LAMA3: variants seen among roughly 807,000 people sequenced by gnomAD.
LAMA3 encodes laminin subunit alpha-3.
Under a neutral mutation model 402.0 loss-of-function variants are expected in LAMA3, and 281 were observed. That is an observed-to-expected ratio of 0.70 (90% confidence interval 0.63 to 0.77). The LOEUF (loss-of-function observed/expected upper bound fraction) is 0.77, where lower values mean the gene tolerates loss of function less well. Among genes scored for constraint, LAMA3 ranks in the 30% least tolerant of loss-of-function variants. The pLI is 0.00. For synonymous variants in LAMA3, 1,431 were observed against 1,558.4 expected, an observed-to-expected ratio of 0.92 and a Z score of 1.93; for missense variants, 3,840 against 4,215.5, an observed-to-expected ratio of 0.91 and a Z score of 2.47.
chr18:23,738,439 C>T (rs915462672), intron 2 of LAMA3, among the ~76,000 whole-genome samples: 6 of 152,112 alleles, frequency 3.9e-5, no homozygotes, highest in African/African-American at 1.2e-4. Context: ...GTAAAGGAAG[C>T]GGTTCCTTTT....
Position 23,914,454 on chromosome 18 carries a change from C to T in LAMA3, c.7374C>T (p.Leu2458=). The change falls in exon 57 of 75, where the codon CTC becomes CTT. Residue 2458 remains leucine (L), a synonymous_variant. Coordinates refer to ENST00000313654, the MANE Select transcript of LAMA3 (RefSeq NM_198129.4). ...YIGMAVVDGQ[L]TCVYNLGDRE... ...GCATGGCAGTTGTGGATGGCCAGCT[C>T]ACCTGTGTCTACAACCTGGGGGACC... 6.2e-7 allele frequency: 1 copy of T among 1,614,102 alleles called. No individual in the cohort carries two copies. Among genetic ancestry groups the T allele is most frequent in the Non-Finnish European group, 8.5e-7 (1 of 1,180,010 alleles).
At chr18:23,738,268 T>C (rs186301378) in intron 2 of LAMA3, among the ~76,000 whole-genome samples, 1 of 151,750 alleles carries the variant, frequency 6.6e-6, no homozygotes, top group East Asian at 2.0e-4. Flanking sequence ...GAGAGACACT[T>C]GCAAGCTGAT....
At chr18:23,894,372 C>T (rs1238816257) in intron 43 of LAMA3, 24 bp downstream of exon 43, 2 of 1,599,504 alleles carry the variant, frequency 1.3e-6, no homozygotes, top group African/African-American at 1.3e-5. Flanking sequence ...GCCCCTCCTC[C>T]TCCTTTCCAA....
chr18:23,867,263 A>C (rs2064381374), intron 36 of LAMA3, among the ~76,000 whole-genome samples: 1 of 152,114 alleles, frequency 6.6e-6, no homozygotes, highest in African/African-American at 2.4e-5. Context: ...TAGTTTAAAA[A>C]ATTTTTTTTT....
At chr18:23,744,831 CA>C (rs755527455) in intron 2 of LAMA3, among the ~76,000 whole-genome samples, 3,314 of 31,032 alleles carry the variant, frequency 0.11, 39 homozygotes, top group Admixed American at 0.22. Context: ...GACTCTGTCT[CA>C]AAAAAAAAAA....
intron 2 of LAMA3, among the ~76,000 whole-genome samples, chr18:23,745,612 G>T (rs1224079066): frequency 6.6e-6 from 1 of 152,154 alleles, no homozygotes; most frequent in Non-Finnish European, 1.5e-5. Flanking sequence ...TGCAAGGTGT[G>T]GGTTTGTTAC....
chr18:23,735,747 C>A (rs2061463931), intron 2 of LAMA3, among the ~76,000 whole-genome samples: 1 of 152,046 alleles, frequency 6.6e-6, no homozygotes, highest in Admixed American at 6.6e-5. Flanking sequence ...ATGCTCCTGG[C>A]CTTTCTCTGC....
rs148121041 is a variant in LAMA3 at position 23,881,477 on chromosome 18, T to A, written c.5113-459T>A. ...GTGCTAAGGGGAAGAAAGAAAAGAATTTACGTTTCCCAAGAGCTTAGTACA... is the reference window on the plus strand; with the variant it reads ...GTGCTAAGGGGAAGAAAGAAAAGAAATTACGTTTCCCAAGAGCTTAGTACA... On this transcript the variant is annotated intron_variant, in intron 39 of 74. Transcript: ENST00000313654. Among the ~76,000 whole-genome samples, 89 of 152,344 alleles carry A rather than the reference T, an allele frequency of 5.8e-4. 3 individuals carry two copies. The East Asian group carries it at 6.2e-3, about 11-fold the overall frequency.
chr18:23,904,602 G>T lies in LAMA3; in HGVS notation c.6523G>T (p.Ala2175Ser), dbSNP rs1290225144. Residue 2175 changes from alanine (A) to serine (S), a missense_variant, in exon 51 of 75, where the codon GCC becomes TCC. By Grantham distance (99) the Ala-to-Ser change is moderately conservative. Around this residue, in one of 3 missense-constraint regions of LAMA3, gnomAD observed 891 missense variants for 857.5 expected, o/e 1.04. Coordinates refer to ENST00000313654, the MANE Select transcript of LAMA3 (RefSeq NM_198129.4). ...GDELVRCAVD[A>S]ATAYENILNA... ...TGAGCTGGTGCGCTGTGCTGTGGATGCCGCCACCGCCTACGAGAACATCCT... is the reference window on the plus strand; with the variant it reads ...TGAGCTGGTGCGCTGTGCTGTGGATTCCGCCACCGCCTACGAGAACATCCT... 1 of 1,611,900 alleles carries T rather than the reference G, an allele frequency of 6.2e-7. No homozygotes were observed. Among genetic ancestry groups the T allele is most frequent in the Non-Finnish European group, 8.5e-7 (1 of 1,179,242 alleles).
At chr18:23,834,455 A>T (rs1200251858) in intron 24 of LAMA3, 2 of 170,482 alleles carry the variant, frequency 1.2e-5, no homozygotes. Context: ...AAGTGGAAAA[A>T]AAAATTAACA....
intron 18 of LAMA3, 41 bp from the exon 19 acceptor site, chr18:23,819,800 G>C: frequency 6.4e-7 from 1 of 1,574,778 alleles, no homozygotes; most frequent in Non-Finnish European, 8.7e-7. Flanking sequence ...ATGATCTATG[G>C]ACCTAACCTC....
Position 23,899,059 on chromosome 18 carries a change from G to C in LAMA3, c.5830G>C (p.Val1944Leu). The C allele has an allele frequency of 6.2e-7, 1 of 1,611,554 alleles. No individual in the cohort carries two copies. The highest frequency in any genetic ancestry group is 2.2e-5 in the East Asian group (1 of 44,844). The change falls in exon 46 of 75, where the codon GTG (valine) becomes CTG (leucine). Residue 1944 changes from valine (V) to leucine (L), a missense_variant. Physicochemically the swap from Val to Leu is conservative, Grantham distance 32. Transcript: ENST00000313654. ...GAAGATTAAAAATGTCATCCGGAAT[G>C]TGCACAGTAAGAAGAGTTATTAAGC... ...DVKIKNVIRNVHILLKQISGT... is the reference protein window; with the variant it reads ...DVKIKNVIRNLHILLKQISGT...
At chr18:23,787,174 T>G (rs557138160) in intron 12 of LAMA3, among the ~76,000 whole-genome samples, 1 of 151,958 alleles carries the variant, frequency 6.6e-6, no homozygotes, top group African/African-American at 2.4e-5. Context: ...CCCAGCTACT[T>G]GGGAGGCTGA....
chr18:23,814,052 G>A (rs2063129532), intron 14 of LAMA3, among the ~76,000 whole-genome samples: 2 of 152,262 alleles, frequency 1.3e-5, no homozygotes, highest in African/African-American at 4.8e-5. Flanking sequence ...TTTTCAACAT[G>A]TTAAATATTC....
At chr18:23,791,046 G>A (rs908686276) in intron 12 of LAMA3, among the ~76,000 whole-genome samples, 12 of 152,128 alleles carry the variant, frequency 7.9e-5, no homozygotes, top group South Asian at 2.1e-4. Flanking sequence ...CCGCCACTGC[G>A]CCCGGCTAAT....
intron 38 of LAMA3, chr18:23,873,161 G>T (rs2064586254): frequency 6.2e-7 from 1 of 1,614,232 alleles, no homozygotes; most frequent in Admixed American, 1.7e-5. Context: ...CATTTCTTCA[G>T]CCTCCCGGTC....
intron 2 of LAMA3, among the ~76,000 whole-genome samples, chr18:23,730,597 C>A (rs940705691): frequency 2.0e-5 from 3 of 152,042 alleles, no homozygotes; most frequent in Non-Finnish European, 2.9e-5. Flanking sequence ...GAACTCCTAA[C>A]CTCAGGTGAT....
At chr18:23,931,541 A>C (rs967168409) in intron 65 of LAMA3, 2 of 231,414 alleles carry the variant, frequency 8.6e-6, no homozygotes, top group African/African-American at 4.6e-5. Context: ...TTTAAAAATA[A>C]ATCAGTTGGA....
At chr18:23,795,171 T>G (rs552882054) in intron 12 of LAMA3, among the ~76,000 whole-genome samples, 1 of 152,334 alleles carries the variant, frequency 6.6e-6, no homozygotes, top group Admixed American at 6.5e-5. Context: ...TTGTTTTAAA[T>G]TTAGTTATTT....
Sources: allele counts gnomAD v4.1 joint callset (sites outside exome capture counted in the v4.1 genomes callset), GRCh38; gene constraint gnomAD v4.1.1; regional missense constraint gnomAD v4.1.1; transcripts MANE v1.5; gene names NCBI Gene and HGNC (gene_info 2026-07-23, HGNC 2026-07-21).